The following MAN2B2 variants were observed in gnomAD, a reference collection of about 807,000 sequenced individuals.
MAN2B2 encodes the protein epididymis-specific alpha-mannosidase.
MAN2B2 carries 106 observed loss-of-function variants against 117.1 expected under a neutral mutation model. The observed-to-expected ratio is 0.90, with a 90% confidence interval of 0.77 to 1.06. The LOEUF (loss-of-function observed/expected upper bound fraction) is 1.06, where lower values mean the gene tolerates loss of function less well. Among genes scored for constraint, MAN2B2 ranks in the 50% least tolerant of loss-of-function variants. The pLI is 0.00. For missense variants in MAN2B2, 1,326 were observed against 1,381.4 expected (o/e 0.96, Z 0.64); for synonymous variants, 544 against 595.1 (o/e 0.91, Z 1.25).
intron 11 of MAN2B2, among the ~76,000 whole-genome samples, chr4:6,606,343 G>A (rs933340012): frequency 8.5e-5 from 13 of 152,238 alleles, no homozygotes; most frequent in African/African-American, 3.1e-4. Flanking sequence ...AGTGGGGCAG[G>A]TGCAGGGGTG....
At chr4:6,609,710 A>T (rs1727690646) in intron 12 of MAN2B2, 88 bp from the exon 13 acceptor site, 1 of 602,134 alleles carries the variant, frequency 1.7e-6, no homozygotes, top group Non-Finnish European at 3.0e-6. Flanking sequence ...TGCCCTGCCC[A>T]CCCTGCCCAC....
rs1577299618 is a variant in MAN2B2, at chr4:6,619,706, A to T, written c.2815-221A>T. The T allele has an allele frequency of 4.1e-6, 2 of 490,666 alleles. 1 individual carries two copies. Among genetic ancestry groups the T allele is most frequent in the South Asian group, 4.5e-5 (2 of 44,040 alleles). The allele number at this position is 490,666 out of a possible 1,614,324, so 30.4% of individuals were successfully genotyped here. On this transcript the variant is annotated intron_variant, in intron 17 of 18. Coordinates refer to ENST00000285599, the MANE Select transcript of MAN2B2 (RefSeq NM_015274.3). The stretch of plus-strand genomic sequence containing the variant: ...AGCTCGGCCACCTGGTAAAGCATGC[A>T]CCTCCCGCTTCAGTGTCCTCATCTG...
chr4:6,611,151 C>T lies in MAN2B2; in HGVS notation c.2436C>T (p.Asn812=), dbSNP rs771391808. 3.7e-5 allele frequency: 59 copies of T among 1,613,840 alleles called. No homozygotes were observed. Among genetic ancestry groups the T allele is most frequent in the Admixed American group, 1.7e-4 (10 of 59,996 alleles). ...DWDLGYNLTL[N]DTSVVHPVLW... is the part of the protein sequence containing the mutation. ...ACCTGGGCTACAACCTCACGCTGAA[C>T]GACACCTCAGTCGTCCACCCAGTGC... Residue 812 remains asparagine (N), a synonymous_variant, in exon 15 of 19, where the codon AAC becomes AAT. Transcript: ENST00000285599.
At chr4:6,608,183 T>G (rs1318993583) in intron 11 of MAN2B2, among the ~76,000 whole-genome samples, 1 of 152,244 alleles carries the variant, frequency 6.6e-6, no homozygotes, top group East Asian at 1.9e-4. Context: ...TGGCTTGTCT[T>G]TTTACTCTTT....
At chr4:6,611,822 C>T (rs567152433) in intron 15 of MAN2B2, among the ~76,000 whole-genome samples, 229 of 152,294 alleles carry the variant, frequency 1.5e-3, no homozygotes, top group African/African-American at 5.3e-3. Context: ...CAAGTTGGGT[C>T]TGAATCTAGG....
chr4:6,584,894 A>G (rs892877091), intron 3 of MAN2B2, among the ~76,000 whole-genome samples: 1 of 152,152 alleles, frequency 6.6e-6, no homozygotes, highest in African/African-American at 2.4e-5. Flanking sequence ...TCTGCGAGTG[A>G]AAAAGGGGTG....
intron 1 of MAN2B2, among the ~76,000 whole-genome samples, chr4:6,575,732 T>TA (rs1159503149): frequency 1.3e-5 from 2 of 152,200 alleles, no homozygotes; most frequent in East Asian, 3.9e-4. Flanking sequence ...CGGGGCTGAA[T>TA]ATTGGAGGCC....
intron 3 of MAN2B2, among the ~76,000 whole-genome samples, chr4:6,586,744 G>C (rs1015228088): frequency 6.6e-6 from 1 of 152,200 alleles, no homozygotes; most frequent in Admixed American, 6.5e-5. Flanking sequence ...TTGTATAACA[G>C]TGTGAATGTA....
intron 9 of MAN2B2, among the ~76,000 whole-genome samples, chr4:6,599,281 T>G (rs534060563): frequency 1.9e-3 from 296 of 152,152 alleles, no homozygotes; most frequent in African/African-American, 6.8e-3. Flanking sequence ...TATTTTTATT[T>G]TTTTTGGAGA....
chr4:6,615,602 G>A (rs1397495578), intron 16 of MAN2B2, among the ~76,000 whole-genome samples: 1 of 152,048 alleles, frequency 6.6e-6, no homozygotes, highest in Non-Finnish European at 1.5e-5. Context: ...TTCGAGACCA[G>A]CCTGGGCAAC....
rs775469579 is a variant in MAN2B2, at chr4:6,614,229, A to T, written c.2575A>T (p.Lys859Ter). The change falls in exon 16 of 19, where the codon AAG (lysine) becomes TAG (stop). Residue 859 changes from lysine (K) to a stop codon, truncating the protein, a stop_gained. Coordinates refer to ENST00000285599, the MANE Select transcript of MAN2B2 (RefSeq NM_015274.3). LOFTEE classifies it high-confidence loss of function. The part of the protein sequence containing the change: ...LFGDLAGTAP[K>*]LPGPQQQEAV... ...CATCTGCCTTGCAGGGACTGCGCCG[A>T]AGCTCCCAGGACCCCAGCAGCAAGA... is the stretch of plus-strand genomic sequence containing the variant. 2.5e-6 allele frequency: 4 copies of T among 1,614,020 alleles called. No homozygotes were observed. Among genetic ancestry groups the T allele is most frequent in the Non-Finnish European group, 3.4e-6 (4 of 1,179,954 alleles).
intron 15 of MAN2B2, among the ~76,000 whole-genome samples, chr4:6,612,521 C>T (rs1422573613): frequency 6.6e-6 from 1 of 152,232 alleles, no homozygotes; most frequent in African/African-American, 2.4e-5. Flanking sequence ...AAGGTCCAGA[C>T]AGGCATGGGG....
chr4:6,616,530 G>A (rs150286370), intron 16 of MAN2B2, among the ~76,000 whole-genome samples: 1,695 of 152,246 alleles, frequency 0.011, 20 homozygotes, highest in Non-Finnish European at 0.013. Context: ...CACGCCCCCC[G>A]CTGATGGAGT....
At chr4:6,593,480 C>T in intron 6 of MAN2B2, 130 bp downstream of exon 6, 1 of 899,684 alleles carries the variant, frequency 1.1e-6, no homozygotes, top group Non-Finnish European at 1.6e-6. Flanking sequence ...GTGGCTCCAT[C>T]CTCCTTCCCT....
intron 3 of MAN2B2, among the ~76,000 whole-genome samples, chr4:6,580,975 G>C (rs1013026411): frequency 3.9e-5 from 6 of 152,194 alleles, no homozygotes; most frequent in African/African-American, 1.2e-4. Context: ...CGGCTGTTGT[G>C]AGGCTCCATT....
chr4:6,594,272 G>GT (rs1445636204), intron 6 of MAN2B2, among the ~76,000 whole-genome samples: 1 of 152,126 alleles, frequency 6.6e-6, no homozygotes, highest in Non-Finnish European at 1.5e-5. Flanking sequence ...GTAAAACCCT[G>GT]TCTCTACTAA....
chr4:6,614,311 G>A lies in MAN2B2; in HGVS notation c.2657G>A (p.Arg886His), dbSNP rs62292692. ...HLQILSIPGW[R>H]YSSNHTEHSQ... ...CAGATCCTGAGCATCCCTGGCTGGCGCTACAGCTCCAACCACACGGAGCAC... is the reference window on the plus strand; with the variant it reads ...CAGATCCTGAGCATCCCTGGCTGGCACTACAGCTCCAACCACACGGAGCAC... The change falls in exon 16 of 19, where the codon CGC becomes CAC. Residue 886 changes from arginine (R) to histidine (H), a missense_variant. Coordinates refer to ENST00000285599, the MANE Select transcript of MAN2B2 (RefSeq NM_015274.3). 2.1e-3 allele frequency: 3,342 copies of A among 1,614,070 alleles called. 10 individuals are homozygous for A. The highest frequency in any genetic ancestry group is 1.8e-3 in the Non-Finnish European group (2,067 of 1,179,996).
chr4:6,605,686 C>T (rs1200650327), intron 11 of MAN2B2, among the ~76,000 whole-genome samples: 8 of 152,186 alleles, frequency 5.3e-5, no homozygotes, highest in South Asian at 4.2e-4. Context: ...TCAAAATCAT[C>T]TAATCCCACC....
intron 3 of MAN2B2, among the ~76,000 whole-genome samples, chr4:6,583,533 C>A (rs1481945784): frequency 3.3e-5 from 5 of 152,138 alleles, no homozygotes. Context: ...GGCCAGAAAA[C>A]CTAAGTAAAG....
Sources: allele counts gnomAD v4.1 joint callset (sites outside exome capture counted in the v4.1 genomes callset), GRCh38; gene constraint gnomAD v4.1.1; transcripts MANE v1.5; gene names NCBI Gene and HGNC (gene_info 2026-07-23, HGNC 2026-07-21).